RPRM: variants seen among roughly 807,000 people sequenced by gnomAD.
The protein encoded by RPRM is reprimo, TP53 dependent G2 arrest mediator homolog.
RPRM carries 3 observed loss-of-function variants against 5.2 expected under a neutral mutation model. That is an observed-to-expected ratio of 0.58 (90% CI 0.26 to 1.50). The LOEUF (loss-of-function observed/expected upper bound fraction) is 1.50. Ranked by LOEUF, RPRM falls within the 40% of genes most tolerant of loss-of-function variation. The pLI is 0.13. For synonymous variants in RPRM, 70 were observed against 69.9 expected (o/e 1.00, Z -0.01); for missense variants, 135 against 154.5 (o/e 0.87, Z 0.67).
chr2:153,478,238 A>C lies in RPRM; in HGVS notation c.328T>G (p.Ter110GlyextTer17). The change falls in exon 1 of 1, where the codon TGA (stop) becomes GGA (glycine). Residue 110 changes from the stop codon to glycine (G), a stop_lost. Transcript: ENST00000325926. ...EVEAVVVGPY[*>G] Reference sequence around the variant, plus strand: ...TTGCCGCGGGGGCAGAGGGCGGGTCAGTAGGGCCCCACGACCACCGCCTCC... The same window carrying C: ...TTGCCGCGGGGGCAGAGGGCGGGTCCGTAGGGCCCCACGACCACCGCCTCC... The C allele has an allele frequency of 6.2e-7, 1 of 1,609,982 alleles. No homozygotes were observed. The highest frequency in any genetic ancestry group is 8.5e-7 in the Non-Finnish European group (1 of 1,178,170).
chr2:153,478,577 G>C lies in RPRM; in HGVS notation c.-12C>G. ...AGGGCCGGATTCATCGCAGGAACGG[G>C]CGGGCGCCGCGAGCGGCGCGGGTCC... On this transcript the variant is annotated 5_prime_UTR_variant, in exon 1 of 1. Coordinates refer to ENST00000325926, the MANE Select transcript of RPRM (RefSeq NM_019845.3). The C allele has an allele frequency of 6.5e-7, 1 of 1,541,934 alleles. No homozygotes were observed. Among genetic ancestry groups the C allele is most frequent in the South Asian group, 1.2e-5 (1 of 80,036 alleles).
rs1478147702 is a variant in RPRM, at chr2:153,478,209, G to T, written c.*27C>A. The T allele has an allele frequency of 1.3e-6, 2 of 1,579,710 alleles. No individual in the cohort carries two copies. The highest frequency in any genetic ancestry group is 2.3e-5 in the South Asian group (2 of 86,090). On this transcript the variant is annotated 3_prime_UTR_variant, in exon 1 of 1. Coordinates refer to ENST00000325926, the MANE Select transcript of RPRM (RefSeq NM_019845.3). ...GCTAGCAAAGTGGGCAGGCGTGGGAGCGGTTGCCGCGGGGGCAGAGGGCGG... is the reference window on the plus strand; with the variant it reads ...GCTAGCAAAGTGGGCAGGCGTGGGATCGGTTGCCGCGGGGGCAGAGGGCGG...
In RPRM at chr2:153,478,433, C is replaced by T; in HGVS notation, c.133G>A (p.Gly45Ser). The change falls in exon 1 of 1, where the codon GGC becomes AGC. Residue 45 changes from glycine (G) to serine (S), a missense_variant. Physicochemically the swap from Gly to Ser is moderately conservative, Grantham distance 56. Coordinates refer to ENST00000325926, the MANE Select transcript of RPRM (RefSeq NM_019845.3). ...ATGTACAGGCTACGCTCGTCCGGGCCTCCCTCCGCGAAGCCGTCGTCGGTC... is the reference window on the plus strand; with the variant it reads ...ATGTACAGGCTACGCTCGTCCGGGCTTCCCTCCGCGAAGCCGTCGTCGGTC... ...VVTDDGFAEGGPDERSLYIMR... is the reference protein window; with the variant it reads ...VVTDDGFAEGSPDERSLYIMR... 2 of 1,614,002 alleles carry T rather than the reference C, an allele frequency of 1.2e-6. No homozygotes were observed. The highest frequency in any genetic ancestry group is 4.5e-5 in the East Asian group (2 of 44,880).
rs757017462 is a variant in RPRM, at chr2:153,478,478, A to G, written c.88T>C (p.Cys30Arg). ...TCGGTCACCACGGACGCCTGGGTGC[A>G]GCAGCGCACGGCTCGCTCCAGCGCC... Reference protein sequence around the residue: ...SEALERAVRCCTQASVVTDDG... With the variant: ...SEALERAVRCRTQASVVTDDG... The change falls in exon 1 of 1, where the codon TGC becomes CGC. Residue 30 changes from cysteine (C) to arginine (R), a missense_variant. By Grantham distance (180) the Cys-to-Arg change is radical. Coordinates refer to ENST00000325926, the MANE Select transcript of RPRM (RefSeq NM_019845.3). 3 of 1,613,278 alleles carry G rather than the reference A, an allele frequency of 1.9e-6. No individual in the cohort carries two copies. The highest frequency in any genetic ancestry group is 1.7e-6 in the Non-Finnish European group (2 of 1,179,828).
At position 153,478,218 on chromosome 2, in the gene RPRM, G is replaced by T; in HGVS notation, c.*18C>A. 6.3e-7 allele frequency: 1 copy of T among 1,593,594 alleles called. No individual in the cohort carries two copies. The highest frequency in any genetic ancestry group is 8.6e-7 in the Non-Finnish European group (1 of 1,168,488). ...GTGGGCAGGCGTGGGAGCGGTTGCCGCGGGGGCAGAGGGCGGGTCAGTAGG... is the reference window on the plus strand; with the variant it reads ...GTGGGCAGGCGTGGGAGCGGTTGCCTCGGGGGCAGAGGGCGGGTCAGTAGG... On this transcript the variant is annotated 3_prime_UTR_variant, in exon 1 of 1. Coordinates refer to ENST00000325926, the MANE Select transcript of RPRM (RefSeq NM_019845.3).
chr2:153,478,492 C>A lies in RPRM; in HGVS notation c.74G>T (p.Arg25Leu). The change falls in exon 1 of 1, where the codon CGA becomes CTA. Residue 25 changes from arginine to leucine, a missense_variant. Arg to Leu is a moderately radical substitution (Grantham distance 102, BLOSUM62 -2). Coordinates refer to ENST00000325926, the MANE Select transcript of RPRM (RefSeq NM_019845.3). ...FLANSSEALE[R>L]AVRCCTQASV... ...CGCCTGGGTGCAGCAGCGCACGGCT[C>A]GCTCCAGCGCCTCGCTGCTGTTGGC... 6.2e-6 allele frequency: 10 copies of A among 1,611,710 alleles called. No individual in the cohort carries two copies. Among genetic ancestry groups the A allele is most frequent in the Non-Finnish European group, 7.6e-6 (9 of 1,179,182 alleles).
chr2:153,478,095 G>C lies in RPRM; in HGVS notation c.*141C>G, dbSNP rs1684183653. On this transcript the variant is annotated 3_prime_UTR_variant, in exon 1 of 1. Coordinates refer to ENST00000325926, the MANE Select transcript of RPRM (RefSeq NM_019845.3). The stretch of plus-strand genomic sequence containing the variant: ...TCAGAGGGCGAGGGAGAAACCGGTC[G>C]CTTCTTTCCGAAAGGCCGAAGTCGA... The C allele has an allele frequency of 1.5e-6, 1 of 680,444 alleles. No individual in the cohort carries two copies. Among genetic ancestry groups the C allele is most frequent in the East Asian group, 2.7e-5 (1 of 36,468 alleles). 42.2% of individuals were successfully genotyped at this position (680,444 alleles called of 1,614,324 possible).
Position 153,478,119 on chromosome 2 carries a change from G to T in RPRM, c.*117C>A, listed in dbSNP as rs1222074616. ...CGCTTCTTTCCGAAAGGCCGAAGTC[G>T]AGAGAAATAATTGACTCCGACAGGT... On this transcript the variant is annotated 3_prime_UTR_variant, in exon 1 of 1. Coordinates refer to ENST00000325926, the MANE Select transcript of RPRM (RefSeq NM_019845.3). The T allele has an allele frequency of 3.7e-6, 3 of 807,210 alleles. No individual in the cohort carries two copies. Among genetic ancestry groups the T allele is most frequent in the South Asian group, 1.8e-5 (1 of 54,756 alleles). The allele number at this position is 807,210 out of a possible 1,614,324, so 50.0% of individuals were successfully genotyped here. A position where few individuals can be genotyped will look rare whatever the true frequency, so the allele number is the denominator to read the frequency against.
Position 153,478,589 on chromosome 2 carries a change from A to C in RPRM, c.-24T>G, listed in dbSNP as rs964692940. The C allele has an allele frequency of 3.0e-4, 442 of 1,493,370 alleles. No individual in the cohort carries two copies. The highest frequency in any genetic ancestry group is 4.1e-4 in the African/African-American group (29 of 71,376). The allele number at this position is 1,493,370 out of a possible 1,614,324, so 92.5% of individuals were successfully genotyped here. The stretch of plus-strand genomic sequence containing the variant: ...ATCGCAGGAACGGGCGGGCGCCGCG[A>C]GCGGCGCGGGTCCGAGGGGTGGGAA... On this transcript the variant is annotated 5_prime_UTR_variant, in exon 1 of 1. Coordinates refer to ENST00000325926, the MANE Select transcript of RPRM (RefSeq NM_019845.3).
chr2:153,478,307 T>C lies in RPRM; in HGVS notation c.259A>G (p.Met87Val). Residue 87 changes from methionine to valine, a missense_variant, in exon 1 of 1, where the codon ATG becomes GTG. By Grantham distance (21) the Met-to-Val change is conservative. Coordinates refer to ENST00000325926, the MANE Select transcript of RPRM (RefSeq NM_019845.3). ...CGGTCCTTCACGAGGAAGTTGATCATGCCCTCGGACTTGATGAGCAGATTG... is the reference window on the plus strand; with the variant it reads ...CGGTCCTTCACGAGGAAGTTGATCACGCCCTCGGACTTGATGAGCAGATTG... Reference protein sequence around the residue: ...GCNLLIKSEGMINFLVKDRRP... With the variant: ...GCNLLIKSEGVINFLVKDRRP... 6.2e-7 allele frequency: 1 copy of C among 1,614,098 alleles called. No individual in the cohort carries two copies. The highest frequency in any genetic ancestry group is 8.5e-7 in the Non-Finnish European group (1 of 1,180,000).
In RPRM at chr2:153,478,607, G is replaced by A. The variant is rs555436120; in HGVS notation, c.-42C>T. 8.2e-6 allele frequency: 12 copies of A among 1,471,628 alleles called. No homozygotes were observed. In the Admixed American group the frequency reaches 2.7e-4, roughly 34 times the overall value. 91.2% of individuals were successfully genotyped at this position (1,471,628 alleles called of 1,614,324 possible). A position where few individuals can be genotyped will look rare whatever the true frequency, so the allele number is the denominator to read the frequency against. On this transcript the variant is annotated 5_prime_UTR_variant, in exon 1 of 1. Coordinates refer to ENST00000325926, the MANE Select transcript of RPRM (RefSeq NM_019845.3). ...CGCCGCGAGCGGCGCGGGTCCGAGG[G>A]GTGGGAAGGCGGCGGCGCTGGAGGA...
Position 153,478,424 on chromosome 2 carries a change from C to A in RPRM, c.142G>T (p.Glu48Ter). ...DDGFAEGGPD[E>*]RSLYIMRVVQ... ...ACGCGCATTATGTACAGGCTACGCT[C>A]GTCCGGGCCTCCCTCCGCGAAGCCG... The change falls in exon 1 of 1, where the codon GAG (glutamate) becomes TAG (stop). Residue 48 changes from glutamate (E) to a stop codon, truncating the protein, a stop_gained. Transcript: ENST00000325926. LOFTEE classifies it high-confidence loss of function. The A allele has an allele frequency of 2.5e-6, 4 of 1,614,056 alleles. No homozygotes were observed. The highest frequency in any genetic ancestry group is 3.4e-6 in the Non-Finnish European group (4 of 1,180,006).
In RPRM at chr2:153,478,059, C is replaced by T; in HGVS notation, c.*177G>A. 3.3e-6 allele frequency: 2 copies of T among 608,634 alleles called. No homozygotes were observed. The highest frequency in any genetic ancestry group is 5.8e-6 in the Non-Finnish European group (2 of 346,910). 37.7% of individuals were successfully genotyped at this position (608,634 alleles called of 1,614,324 possible). ...TGGGCGCTCTCCTCCGACTGCCAGG[C>T]ATGAGGACTTTCAGAGGGCGAGGGA... On this transcript the variant is annotated 3_prime_UTR_variant, in exon 1 of 1. Transcript: ENST00000325926.
chr2:153,478,022 G>A lies in RPRM; in HGVS notation c.*214C>T. The A allele has an allele frequency of 3.5e-6, 2 of 566,804 alleles. No homozygotes were observed. The highest frequency in any genetic ancestry group is 4.7e-5 in the South Asian group (2 of 42,634). The allele number at this position is 566,804 out of a possible 1,614,324, so 35.1% of individuals were successfully genotyped here. A position where few individuals can be genotyped will look rare whatever the true frequency, so the allele number is the denominator to read the frequency against. On this transcript the variant is annotated 3_prime_UTR_variant, in exon 1 of 1. Coordinates refer to ENST00000325926, the MANE Select transcript of RPRM (RefSeq NM_019845.3). Reference sequence around the variant, plus strand: ...CGCCCTCTTCTTGCCACTTTCTGCTGAGTTCAGAGTCTGGGCGCTCTCCTC... The same window carrying A: ...CGCCCTCTTCTTGCCACTTTCTGCTAAGTTCAGAGTCTGGGCGCTCTCCTC...
chr2:153,478,308 G>A lies in RPRM; in HGVS notation c.258C>T (p.Gly86=). The A allele has an allele frequency of 6.2e-7, 1 of 1,614,140 alleles. No homozygotes were observed. The highest frequency in any genetic ancestry group is 8.5e-7 in the Non-Finnish European group (1 of 1,180,002). The change falls in exon 1 of 1, where the codon GGC becomes GGT. Residue 86 remains glycine, a synonymous_variant. Coordinates refer to ENST00000325926, the MANE Select transcript of RPRM (RefSeq NM_019845.3). ...GGTCCTTCACGAGGAAGTTGATCAT[G>A]CCCTCGGACTTGATGAGCAGATTGC... ...LGCNLLIKSE[G]MINFLVKDRR...
chr2:153,478,576 G>T lies in RPRM; in HGVS notation c.-11C>A. The T allele has an allele frequency of 6.5e-7, 1 of 1,544,514 alleles. No individual in the cohort carries two copies. The highest frequency in any genetic ancestry group is 1.2e-5 in the South Asian group (1 of 80,500). On this transcript the variant is annotated 5_prime_UTR_variant, in exon 1 of 1. Transcript: ENST00000325926. ...TAGGGCCGGATTCATCGCAGGAACG[G>T]GCGGGCGCCGCGAGCGGCGCGGGTC...
chr2:153,478,360 A>C lies in RPRM; in HGVS notation c.206T>G (p.Val69Gly). ...IAVMCVLSLTVVFGIFFLGCN... is the reference protein window; with the variant it reads ...IAVMCVLSLTGVFGIFFLGCN... ...GCCGAGGAAGAAGATGCCGAAGACCACGGTGAGTGAGAGCACGCACATGAC... is the reference window on the plus strand; with the variant it reads ...GCCGAGGAAGAAGATGCCGAAGACCCCGGTGAGTGAGAGCACGCACATGAC... The change falls in exon 1 of 1, where the codon GTG (valine) becomes GGG (glycine). Residue 69 changes from valine to glycine, a missense_variant. Physicochemically the swap from Val to Gly is moderately radical, Grantham distance 109 (BLOSUM62 -3). Transcript: ENST00000325926. 6.2e-7 allele frequency: 1 copy of C among 1,614,166 alleles called. No individual in the cohort carries two copies. The highest frequency in any genetic ancestry group is 8.5e-7 in the Non-Finnish European group (1 of 1,180,004).
Position 153,478,629 on chromosome 2 carries a change from A to C in RPRM, c.-64T>G, listed in dbSNP as rs1684196272. On this transcript the variant is annotated 5_prime_UTR_variant, in exon 1 of 1. Coordinates refer to ENST00000325926, the MANE Select transcript of RPRM (RefSeq NM_019845.3). Reference sequence around the variant, plus strand: ...AGGGGTGGGAAGGCGGCGGCGCTGGAGGAACAGGTGCCGGGCTGAGCGCTC... The same window carrying C: ...AGGGGTGGGAAGGCGGCGGCGCTGGCGGAACAGGTGCCGGGCTGAGCGCTC... 7.6e-7 allele frequency: 1 copy of C among 1,323,000 alleles called. No homozygotes were observed. The highest frequency in any genetic ancestry group is 2.7e-5 in the Admixed American group (1 of 36,628). 82.0% of individuals were successfully genotyped at this position (1,323,000 alleles called of 1,614,324 possible).
Position 153,478,624 on chromosome 2 carries a change from G to T in RPRM, c.-59C>A. ...GTCCGAGGGGTGGGAAGGCGGCGGC[G>T]CTGGAGGAACAGGTGCCGGGCTGAG... On this transcript the variant is annotated 5_prime_UTR_variant, in exon 1 of 1. Transcript: ENST00000325926. The T allele has an allele frequency of 1.5e-6, 2 of 1,370,546 alleles. No individual in the cohort carries two copies. The highest frequency in any genetic ancestry group is 2.0e-6 in the Non-Finnish European group (2 of 1,020,092). 84.9% of individuals were successfully genotyped at this position (1,370,546 alleles called of 1,614,324 possible).
Sources: allele counts gnomAD v4.1 joint callset, GRCh38; gene constraint gnomAD v4.1.1; transcripts MANE v1.5; gene names NCBI Gene and HGNC (gene_info 2026-07-23, HGNC 2026-07-21).